WASHC5: variants seen among roughly 807,000 people sequenced by gnomAD.
WASHC5 encodes WASH complex subunit 5.
A neutral mutation model predicts 150.4 loss-of-function variants in WASHC5; 101 were observed. That is an observed-to-expected ratio of 0.67 (90% CI 0.57 to 0.79). The LOEUF is 0.79. WASHC5 is among the 30% of genes least tolerant of loss of function. WASHC5 has a pLI of 0.00. For missense variants in WASHC5, 1,195 were observed against 1,396.3 expected (o/e 0.86, Z 2.30); for synonymous variants, 467 against 491.2 (o/e 0.95, Z 0.65).
chr8:125,028,361 T>C (rs1241703730), intron 28 of WASHC5, among the ~76,000 whole-genome samples: 1 of 152,204 alleles, frequency 6.6e-6, no homozygotes, highest in African/African-American at 2.4e-5. Flanking sequence ...ACTTAACTCC[T>C]GAACCAGATG....
chr8:125,035,740 A>G (rs1815684886), intron 26 of WASHC5, among the ~76,000 whole-genome samples: 2 of 152,130 alleles, frequency 1.3e-5, no homozygotes, highest in South Asian at 4.1e-4. Flanking sequence ...TCTAGAATCA[A>G]TGATTACTTT....
chr8:125,083,649 G>C (rs1817338036), intron 2 of WASHC5, 64 bp downstream of exon 2: 1 of 1,309,408 alleles, frequency 7.6e-7, no homozygotes. Context: ...GAGTTTCATG[G>C]TTCCCAGAGA....
intron 3 of WASHC5, 31 bp downstream of exon 3, chr8:125,083,082 C>T: frequency 7.4e-7 from 1 of 1,357,222 alleles, no homozygotes; most frequent in Non-Finnish European, 1.1e-6. Context: ...TATTTACTAC[C>T]AGAATAAGCT....
intron 26 of WASHC5, chr8:125,032,597 C>A: frequency 1.6e-6 from 1 of 610,182 alleles, no homozygotes; most frequent in South Asian, 1.9e-5. Context: ...GGATTCAAAA[C>A]CAATAAAACG....
In WASHC5 at chr8:125,043,995, C is replaced by G; in HGVS notation, c.2767G>C (p.Val923Leu). The G allele has an allele frequency of 6.2e-7, 1 of 1,611,134 alleles. No individual in the cohort carries two copies. The highest frequency in any genetic ancestry group is 8.5e-7 in the Non-Finnish European group (1 of 1,177,328). ...CAGGTAGTTTCAGGACACTCACCGACAATACTTTTTAGGGGACTGACAGCA... is the reference window on the plus strand; with the variant it reads ...CAGGTAGTTTCAGGACACTCACCGAGAATACTTTTTAGGGGACTGACAGCA... ...MNAVSPLKSI[V>L]ANSNKIYFSA... is the part of the protein sequence containing the mutation. The change falls in exon 22 of 29, where the codon GTC (valine) becomes CTC (leucine). Residue 923 changes from valine (V) to leucine (L), a missense_variant. Transcript: ENST00000318410.
intron 1 of WASHC5, among the ~76,000 whole-genome samples, chr8:125,088,153 G>A (rs1389658405): frequency 6.6e-6 from 1 of 152,036 alleles, no homozygotes; most frequent in Non-Finnish European, 1.5e-5. Flanking sequence ...CTCCTAAAGA[G>A]GAGAATAGGG....
chr8:125,031,557 T>C (rs1270138545), intron 27 of WASHC5, among the ~76,000 whole-genome samples: 1 of 152,160 alleles, frequency 6.6e-6, no homozygotes, highest in Non-Finnish European at 1.5e-5. Context: ...TGAGCCACTG[T>C]GCCCAGCCGC....
At chr8:125,067,233 A>T (rs1301298349) in intron 10 of WASHC5, among the ~76,000 whole-genome samples, 4 of 152,088 alleles carry the variant, frequency 2.6e-5, no homozygotes. Flanking sequence ...GGCCAGGCTG[A>T]TCTCGAACTC....
chr8:125,032,036 G>C (rs1414265278), intron 27 of WASHC5, among the ~76,000 whole-genome samples: 3 of 152,160 alleles, frequency 2.0e-5, no homozygotes, highest in Non-Finnish European at 4.4e-5. Context: ...GAGTAGACCG[G>C]ATGGAGTTCC....
rs763996850 is a variant in WASHC5 at position 125,038,841 on chromosome 8, G to A, written c.3073C>T (p.Pro1025Ser). The change falls in exon 25 of 29, where the codon CCA becomes TCA. Residue 1025 changes from proline to serine, a missense_variant. This residue lies in a region of WASHC5 where 997 missense variants were observed against 1,168.1 expected (regional missense o/e 0.85). Coordinates refer to ENST00000318410, the MANE Select transcript of WASHC5 (RefSeq NM_014846.4). ...AYLEAAGIHN[P>S]LNKIYITTKR... Reference sequence around the variant, plus strand: ...TTTTAATTACTCACCTTATTCAGTGGGTTGTGAATGCCAGCTGCCTCCAGA... The same window carrying A: ...TTTTAATTACTCACCTTATTCAGTGAGTTGTGAATGCCAGCTGCCTCCAGA... 1.9e-6 allele frequency: 3 copies of A among 1,613,842 alleles called. No individual in the cohort carries two copies. The highest frequency in any genetic ancestry group is 1.7e-5 in the Admixed American group (1 of 60,000).
chr8:125,068,560 T>C (rs564003163), intron 9 of WASHC5, among the ~76,000 whole-genome samples: 1 of 152,316 alleles, frequency 6.6e-6, no homozygotes, highest in East Asian at 1.9e-4. Flanking sequence ...AAATCATAGC[T>C]GTGAGTACTA....
intron 10 of WASHC5, among the ~76,000 whole-genome samples, chr8:125,063,916 C>T (rs1816673453): frequency 6.6e-6 from 1 of 152,138 alleles, no homozygotes; most frequent in South Asian, 2.1e-4. Flanking sequence ...TTCAGATTCT[C>T]AAGGCCCACC....
intron 26 of WASHC5, chr8:125,032,607 G>A (rs145265218): frequency 6.9e-6 from 4 of 582,468 alleles, no homozygotes; most frequent in African/African-American, 3.8e-5. Context: ...CCAATAAAAC[G>A]GTTACTAAAT....
chr8:125,044,212 A>C lies in WASHC5; in HGVS notation c.2668-118T>G, dbSNP rs947435585. ...TGGGCCTAAGTCACACAAAACCTCT[A>C]AACAGGATGACAGCAAAAAGAAGCA... On this transcript the variant is annotated intron_variant, in intron 21 of 28. Coordinates refer to ENST00000318410, the MANE Select transcript of WASHC5 (RefSeq NM_014846.4). 3.0e-5 allele frequency: 23 copies of C among 766,828 alleles called. No individual in the cohort carries two copies. In the African/African-American group the frequency reaches 3.1e-4, roughly 10 times the overall value. 47.5% of individuals were successfully genotyped at this position (766,828 alleles called of 1,614,324 possible).
At position 125,027,477 on chromosome 8, in the gene WASHC5, A is replaced by T. The variant is rs180710211; in HGVS notation, c.3423+1143T>A. On this transcript the variant is annotated intron_variant, in intron 28 of 28. Transcript: ENST00000318410. ...ATTAACAGCATTTGCAGTGACCCGG[A>T]TGAGACTGGAGATTATTCTTACAAG... 4.2e-4 allele frequency among the ~76,000 whole-genome samples: 64 copies of T among 152,342 alleles called. 1 individual carries two copies. The highest frequency in any genetic ancestry group is 3.1e-3 in the East Asian group (16 of 5,188).
intron 23 of WASHC5, among the ~76,000 whole-genome samples, chr8:125,041,924 C>A (rs1301776615): frequency 6.6e-6 from 1 of 152,118 alleles, no homozygotes; most frequent in African/African-American, 2.4e-5. Context: ...GTCCCTGAAA[C>A]CCTGTATCTG....
chr8:125,083,177 C>T lies in WASHC5; in HGVS notation c.268G>A (p.Glu90Lys). 6.2e-7 allele frequency: 1 copy of T among 1,600,400 alleles called. No individual in the cohort carries two copies. The highest frequency in any genetic ancestry group is 8.6e-7 in the Non-Finnish European group (1 of 1,168,140). Residue 90 changes from glutamate (E) to lysine (K), a missense_variant, in exon 3 of 29, where the codon GAA becomes AAA. Around this residue, in one of 3 missense-constraint regions of WASHC5, gnomAD observed 195 missense variants for 206.9 expected, o/e 0.94. Coordinates refer to ENST00000318410, the MANE Select transcript of WASHC5 (RefSeq NM_014846.4). Reference sequence around the variant, plus strand: ...GCTAAATAAAATCTGGTCACAATTTCTATGTTGTTTTCACGAAATTCTTCA... The same window carrying T: ...GCTAAATAAAATCTGGTCACAATTTTTATGTTGTTTTCACGAAATTCTTCA... ...LDEEFRENNI[E>K]IVTRFYLAFQ...
chr8:125,075,417 C>CT (rs113828812), intron 7 of WASHC5, among the ~76,000 whole-genome samples: 1 of 152,026 alleles, frequency 6.6e-6, no homozygotes, highest in East Asian at 1.9e-4. Context: ...CCTGGGATAT[C>CT]TTTTTTTAAA....
chr8:125,089,892 C>G lies in WASHC5; in HGVS notation c.-125+1723G>C, dbSNP rs574448287. 2.0e-5 allele frequency among the ~76,000 whole-genome samples: 3 copies of G among 152,150 alleles called. No individual in the cohort carries two copies. In the East Asian group the frequency reaches 5.8e-4, roughly 29 times the overall value. On this transcript the variant is annotated intron_variant, in intron 1 of 28. Transcript: ENST00000318410. The stretch of plus-strand genomic sequence containing the variant: ...AACAAATATTATGGGTCTTTATTAC[C>G]TAGGTAAATCACCTTTCTAAAATTC...
Sources: allele counts gnomAD v4.1 joint callset (sites outside exome capture counted in the v4.1 genomes callset), GRCh38; gene constraint gnomAD v4.1.1; regional missense constraint gnomAD v4.1.1; transcripts MANE v1.5; gene names NCBI Gene and HGNC (gene_info 2026-07-23, HGNC 2026-07-21).